Variants in MGRN1 observed in about 807,000 individuals in gnomAD.
The protein encoded by MGRN1 is mahogunin ring finger 1, also known as E3 ubiquitin-protein ligase MGRN1.
MGRN1 carries 29 observed loss-of-function variants against 69.2 expected under a neutral mutation model. That is an observed-to-expected ratio of 0.42 (90% CI 0.31 to 0.57). The LOEUF is 0.57. MGRN1 is among the 20% of genes least tolerant of loss of function. The pLI is 0.15. For missense variants in MGRN1, 998 were observed against 796.2 expected (o/e 1.25, Z -3.05); for synonymous variants, 470 against 344.2 (o/e 1.37, Z -4.04).
At chr16:4,629,535 T>A (rs904460973) in intron 1 of MGRN1, among the ~76,000 whole-genome samples, 1 of 151,182 alleles carries the variant, frequency 6.6e-6, no homozygotes, top group Admixed American at 6.6e-5. Context: ...GGTAAAGAGA[T>A]TGAGACCATC....
chr16:4,687,225 C>G (rs1407568303), intron 16 of MGRN1: 5 of 985,478 alleles, frequency 5.1e-6, no homozygotes, highest in Non-Finnish European at 4.8e-6. Context: ...AAGAGGCGCC[C>G]TCTACCAGGG....
chr16:4,625,566 AC>A (rs1407716406), intron 1 of MGRN1, among the ~76,000 whole-genome samples: 4 of 151,896 alleles, frequency 2.6e-5, no homozygotes, highest in African/African-American at 9.7e-5. Flanking sequence ...GCCCAAGGAG[AC>A]GATTATAGTT....
Position 4,667,366 on chromosome 16 carries a change from C to T in MGRN1, c.679-899C>T, listed in dbSNP as rs1319552521. Among the ~76,000 whole-genome samples the T allele has an allele frequency of 2.6e-5, 4 of 152,248 alleles. No individual in the cohort carries two copies. The East Asian group carries it at 7.7e-4, about 29-fold the overall frequency. ...TCTCTCCCGGGTCCAGGACCACAGA[C>T]TGTGGTGACACAAGTGCCCTGGGCA... On this transcript the variant is annotated intron_variant, in intron 7 of 16. Transcript: ENST00000262370.
chr16:4,648,717 A>C (rs1193981157), intron 1 of MGRN1, among the ~76,000 whole-genome samples: 1 of 96,882 alleles, frequency 1.0e-5, no homozygotes, highest in African/African-American at 4.6e-5. Context: ...TCCCGTGGTC[A>C]CCCGGCTCCT....
intron 10 of MGRN1, among the ~76,000 whole-genome samples, chr16:4,675,202 A>T (rs2079029579): frequency 6.7e-6 from 1 of 149,130 alleles, no homozygotes; most frequent in Non-Finnish European, 1.5e-5. Context: ...GAAGCTCCTG[A>T]CCTCAAGTGA....
rs138018926 is a variant in MGRN1, at chr16:4,679,745, G to T, written c.1066-287G>T. On this transcript the variant is annotated intron_variant, in intron 11 of 16. Coordinates refer to ENST00000262370, the MANE Select transcript of MGRN1 (RefSeq NM_015246.4). ...CACGTCCACCTTGGCCAAATCTGTT[G>T]CCCCAGGTGACCCAGACTGCGGGGG... Among the ~76,000 whole-genome samples, 146 of 152,328 alleles carry T rather than the reference G, an allele frequency of 9.6e-4. 1 individual carries two copies. The highest frequency in any genetic ancestry group is 3.2e-3 in the African/African-American group (133 of 41,590).
At chr16:4,684,588 C>G (rs1325065001) in intron 16 of MGRN1, among the ~76,000 whole-genome samples, 1 of 152,264 alleles carries the variant, frequency 6.6e-6, no homozygotes, top group African/African-American at 2.4e-5. Context: ...GGCAGCAAGG[C>G]TGGGACAGAG....
chr16:4,652,649 G>C (rs752328067), intron 3 of MGRN1, 29 bp from the exon 4 acceptor site: 1 of 1,588,622 alleles, frequency 6.3e-7, no homozygotes, highest in Non-Finnish European at 8.6e-7. Flanking sequence ...CCGCTGACCC[G>C]CTGCCTTTCT....
chr16:4,686,475 C>G (rs959868849), intron 16 of MGRN1: 2 of 1,391,774 alleles, frequency 1.4e-6, no homozygotes, highest in African/African-American at 2.9e-5. Context: ...GCTGCTGCAC[C>G]TTCCCCCAGA....
At chr16:4,629,147 CGTATGTGT>C (rs1436652121) in intron 1 of MGRN1, among the ~76,000 whole-genome samples, 8 of 48,652 alleles carry the variant, frequency 1.6e-4, no homozygotes, top group Non-Finnish European at 3.5e-4. Context: ...GCTTTCTGTT[CGTATGTGT>C]GTGTGTGTGT....
chr16:4,652,120 T>C (rs2078422657), intron 3 of MGRN1, 69 bp downstream of exon 3: 1 of 1,500,516 alleles, frequency 6.7e-7, no homozygotes, highest in Non-Finnish European at 9.1e-7. Context: ...GGTTCTGGCT[T>C]GATGCTTGAG....
intron 12 of MGRN1, among the ~76,000 whole-genome samples, chr16:4,680,910 G>A (rs1056508146): frequency 3.9e-5 from 6 of 152,198 alleles, no homozygotes; most frequent in Non-Finnish European, 5.9e-5. Context: ...GAGCACTGAC[G>A]AGCGTTGTGC....
chr16:4,648,728 C>T (rs572819303), intron 1 of MGRN1, among the ~76,000 whole-genome samples: 70 of 123,334 alleles, frequency 5.7e-4, no homozygotes, highest in Non-Finnish European at 2.0e-4. Context: ...CCCGGCTCCT[C>T]CTCTCGGGGA....
intron 1 of MGRN1, among the ~76,000 whole-genome samples, chr16:4,632,682 C>A (rs1404847951): frequency 6.6e-6 from 1 of 152,202 alleles, no homozygotes; most frequent in Non-Finnish European, 1.5e-5. Flanking sequence ...GCATGAGCCA[C>A]CGTGCCGGGA....
chr16:4,672,539 C>T (rs1312238585), intron 9 of MGRN1: 1 of 442,088 alleles, frequency 2.3e-6, no homozygotes, highest in African/African-American at 2.0e-5. Context: ...ATGTTTCATA[C>T]CAGGGGGCGG....
At chr16:4,665,076 C>G in intron 6 of MGRN1, 26 bp from the exon 7 acceptor site, 1 of 1,614,046 alleles carries the variant, frequency 6.2e-7, no homozygotes, top group East Asian at 2.2e-5. Flanking sequence ...CCGACTCTGA[C>G]TACTCTGCCC....
At chr16:4,674,258 A>C (rs2079004774) in intron 10 of MGRN1, among the ~76,000 whole-genome samples, 1 of 152,132 alleles carries the variant, frequency 6.6e-6, no homozygotes, top group South Asian at 2.1e-4. Flanking sequence ...TGCTGGTGTT[A>C]CAGGCATGAG....
chr16:4,641,612 A>C (rs1339129677), intron 1 of MGRN1, among the ~76,000 whole-genome samples: 1 of 149,754 alleles, frequency 6.7e-6, no homozygotes, highest in Non-Finnish European at 1.5e-5. Flanking sequence ...TCTGCCTCCC[A>C]GGTTCAAGTG....
intron 1 of MGRN1, among the ~76,000 whole-genome samples, chr16:4,644,490 A>G (rs898168085): frequency 1.3e-5 from 2 of 151,588 alleles, no homozygotes; most frequent in Non-Finnish European, 2.9e-5. Context: ...TTGTATTTTT[A>G]GTAGAGACAG....
Sources: allele counts gnomAD v4.1 joint callset (sites outside exome capture counted in the v4.1 genomes callset), GRCh38; gene constraint gnomAD v4.1.1; transcripts MANE v1.5; gene names NCBI Gene and HGNC (gene_info 2026-07-23, HGNC 2026-07-21).